The following GUCY1A2 variants were observed in gnomAD, a reference collection of about 807,000 sequenced individuals.
GUCY1A2 encodes guanylate cyclase 1 soluble subunit alpha 2, also known as guanylate cyclase soluble subunit alpha-2.
GUCY1A2 carries 27 observed loss-of-function variants against 63.5 expected under a neutral mutation model. That is an observed-to-expected ratio of 0.43 (90% CI 0.31 to 0.59). The LOEUF (loss-of-function observed/expected upper bound fraction) is 0.59, where lower values mean the gene tolerates loss of function less well. Ranked by LOEUF, GUCY1A2 falls within the 20% of genes least tolerant of loss-of-function variation. The pLI, the probability that GUCY1A2 is intolerant of heterozygous loss-of-function variation, is 0.11. For synonymous variants in GUCY1A2, 364 were observed against 343.5 expected, an observed-to-expected ratio of 1.06 and a Z score of -0.66; for missense variants, 768 against 913.3, an observed-to-expected ratio of 0.84 and a Z score of 2.05.
At chr11:106,936,707 C>T (rs866219585) in intron 4 of GUCY1A2, 4 of 1,493,520 alleles carry the variant, frequency 2.7e-6, no homozygotes, top group South Asian at 1.2e-5. Context: ...CGGTGACATG[C>T]TTGCTCTTGA....
At chr11:106,756,235 G>T (rs1863971743) in intron 6 of GUCY1A2, among the ~76,000 whole-genome samples, 1 of 152,110 alleles carries the variant, frequency 6.6e-6, no homozygotes, top group Non-Finnish European at 1.5e-5. Flanking sequence ...TTGAACCTAT[G>T]TGTGTCTTTG....
chr11:106,828,214 T>A (rs535243318), intron 4 of GUCY1A2, among the ~76,000 whole-genome samples: 3 of 152,312 alleles, frequency 2.0e-5, no homozygotes, highest in Non-Finnish European at 4.4e-5. Context: ...GTCACATTTG[T>A]CTATTTTTGG....
intron 5 of GUCY1A2, among the ~76,000 whole-genome samples, chr11:106,792,783 A>G (rs1034971186): frequency 9.9e-5 from 15 of 152,204 alleles, no homozygotes; most frequent in African/African-American, 3.6e-4. Context: ...TCCCACTTAA[A>G]GTAGCAACAA....
chr11:106,951,141 T>C (rs1263965076), intron 3 of GUCY1A2, among the ~76,000 whole-genome samples: 3 of 152,248 alleles, frequency 2.0e-5, no homozygotes, highest in African/African-American at 4.8e-5. Context: ...CAGTCTATCA[T>C]TGATGGACAT....
intron 6 of GUCY1A2, among the ~76,000 whole-genome samples, chr11:106,764,866 C>A (rs900716922): frequency 1.3e-5 from 2 of 150,168 alleles, no homozygotes; most frequent in Non-Finnish European, 3.0e-5. Context: ...TTTAGTTCTG[C>A]AATTGGCTAG....
At chr11:107,009,364 C>T (rs1328831063) in intron 1 of GUCY1A2, among the ~76,000 whole-genome samples, 1 of 152,114 alleles carries the variant, frequency 6.6e-6, no homozygotes, top group African/African-American at 2.4e-5. Flanking sequence ...CCAAAATGAA[C>T]CAGTAGATGG....
intron 5 of GUCY1A2, among the ~76,000 whole-genome samples, chr11:106,806,658 C>G (rs533727337): frequency 6.6e-6 from 1 of 152,224 alleles, no homozygotes; most frequent in African/African-American, 2.4e-5. Context: ...TTTCTAATTA[C>G]AAGAGAAACA....
chr11:106,781,529 G>T (rs554441926), intron 5 of GUCY1A2, among the ~76,000 whole-genome samples: 1 of 152,024 alleles, frequency 6.6e-6, no homozygotes, highest in Non-Finnish European at 1.5e-5. Context: ...AATAAAGGTG[G>T]TGTAAATAAA....
chr11:106,908,277 A>T (rs1860241110), intron 4 of GUCY1A2, among the ~76,000 whole-genome samples: 1 of 152,076 alleles, frequency 6.6e-6, no homozygotes. Flanking sequence ...AATTTTTCTC[A>T]AATTAATCTA....
At chr11:106,783,795 T>A (rs989987255) in intron 5 of GUCY1A2, among the ~76,000 whole-genome samples, 1 of 152,186 alleles carries the variant, frequency 6.6e-6, no homozygotes, top group Non-Finnish European at 1.5e-5. Context: ...GAGATGGCCC[T>A]CAGCAAATCT....
At chr11:106,915,465 T>A (rs1226988353) in intron 4 of GUCY1A2, among the ~76,000 whole-genome samples, 1 of 152,010 alleles carries the variant, frequency 6.6e-6, no homozygotes, top group African/African-American at 2.4e-5. Flanking sequence ...GGGCAACCAC[T>A]AAAAAACGAC....
Position 106,687,722 on chromosome 11 carries a change from G to C in GUCY1A2, c.2026C>G (p.Pro676Ala). The change falls in exon 8 of 8, where the codon CCG becomes GCG. Residue 676 changes from proline to alanine, a missense_variant. By Grantham distance (27) the Pro-to-Ala change is conservative. Transcript: ENST00000526355. ...LKREESFTFIPRSREELPDNF... is the reference protein window; with the variant it reads ...LKREESFTFIARSREELPDNF... ...TCTGGAAGCTCTTCACGAGACCGCGGAATGAATGTGAAACTTTCTTCTCGT... is the reference window on the plus strand; with the variant it reads ...TCTGGAAGCTCTTCACGAGACCGCGCAATGAATGTGAAACTTTCTTCTCGT... 6.2e-7 allele frequency: 1 copy of C among 1,611,952 alleles called. No individual in the cohort carries two copies. Among genetic ancestry groups the C allele is most frequent in the Non-Finnish European group, 8.5e-7 (1 of 1,178,034 alleles).
Position 106,685,036 on chromosome 11 carries a change from T to C in GUCY1A2, c.*2513A>G, listed in dbSNP as rs1324151053. ...TACCTCATAAACATATATAGCAACA[T>C]TGTAACTACAATAATCAACTATAAT... On this transcript the variant is annotated 3_prime_UTR_variant, in exon 8 of 8. Coordinates refer to ENST00000526355, the MANE Select transcript of GUCY1A2 (RefSeq NM_000855.3). 2.9e-5 allele frequency: 6 copies of C among 204,920 alleles called. No homozygotes were observed. Among genetic ancestry groups the C allele is most frequent in the South Asian group, 3.8e-4 (2 of 5,302 alleles). 12.7% of individuals were successfully genotyped at this position (204,920 alleles called of 1,614,324 possible). A position where few individuals can be genotyped will look rare whatever the true frequency, so the allele number is the denominator to read the frequency against.
At chr11:106,884,207 A>C (rs191114092) in intron 4 of GUCY1A2, among the ~76,000 whole-genome samples, 22 of 152,268 alleles carry the variant, frequency 1.4e-4, no homozygotes, top group African/African-American at 5.3e-4. Flanking sequence ...AGAAAGAAAG[A>C]AAGTGCTTCA....
rs922873660 is a variant in GUCY1A2 at position 106,677,913 on chromosome 11, A to AT, written c.*9635dup. 130 of 200,348 alleles carry AT rather than the reference A, an allele frequency of 6.5e-4. No homozygotes were observed. Among genetic ancestry groups the AT allele is most frequent in the African/African-American group, 2.5e-3 (108 of 43,490 alleles). The allele number at this position is 200,348 out of a possible 1,614,324, so 12.4% of individuals were successfully genotyped here. The stretch of plus-strand genomic sequence containing the variant: ...TAATCATTTGGATTTTAGCAGGAGA[A>AT]TTTTTTTTAGACAGAATAAAATTGT... On this transcript the variant is annotated 3_prime_UTR_variant, in exon 8 of 8. Transcript: ENST00000526355.
intron 4 of GUCY1A2, among the ~76,000 whole-genome samples, chr11:106,868,805 C>G (rs931352834): frequency 1.3e-5 from 2 of 152,154 alleles, no homozygotes; most frequent in African/African-American, 4.8e-5. Context: ...CCAAGTCAAT[C>G]CTAAGCCAAA....
chr11:106,926,302 G>A (rs1009932410), intron 4 of GUCY1A2, among the ~76,000 whole-genome samples: 9 of 152,088 alleles, frequency 5.9e-5, no homozygotes, highest in African/African-American at 1.9e-4. Context: ...GCTGGGCCTA[G>A]GGGTGCACAC....
intron 5 of GUCY1A2, among the ~76,000 whole-genome samples, chr11:106,796,920 C>T (rs1210001952): frequency 3.3e-5 from 5 of 152,142 alleles, no homozygotes; most frequent in African/African-American, 4.8e-5. Context: ...ACCAATCAGA[C>T]GTAGATTTGG....
intron 6 of GUCY1A2, among the ~76,000 whole-genome samples, chr11:106,766,288 G>T (rs1040962924): frequency 1.3e-5 from 2 of 151,946 alleles, no homozygotes; most frequent in African/African-American, 4.8e-5. Flanking sequence ...TTCTTCCTAG[G>T]GCTAACCAAG....
Sources: allele counts gnomAD v4.1 joint callset (sites outside exome capture counted in the v4.1 genomes callset), GRCh38; gene constraint gnomAD v4.1.1; transcripts MANE v1.5; gene names NCBI Gene and HGNC (gene_info 2026-07-23, HGNC 2026-07-21).